The following GPC6 variants were observed in gnomAD, a reference collection of about 807,000 sequenced individuals.
GPC6 encodes glypican-6.
GPC6 carries 14 observed loss-of-function variants against 55.2 expected under a neutral mutation model. The observed-to-expected ratio is 0.25, with a 90% CI of 0.17 to 0.40. The LOEUF (loss-of-function observed/expected upper bound fraction) is 0.40. Among genes scored for constraint, GPC6 ranks in the 10% least tolerant of loss-of-function variants. The pLI, the probability that GPC6 is intolerant of heterozygous loss-of-function variation, is 1.00. For missense variants in GPC6, 641 were observed against 708.5 expected (o/e 0.90, Z 1.08); for synonymous variants, 278 against 259.6 (o/e 1.07, Z -0.68).
At chr13:93,954,347 A>G (rs1421207459) in intron 3 of GPC6, among the ~76,000 whole-genome samples, 1 of 152,056 alleles carries the variant, frequency 6.6e-6, no homozygotes, top group Admixed American at 6.6e-5. Flanking sequence ...ACAAGGTCTC[A>G]TCTGTTATGC....
intron 3 of GPC6, among the ~76,000 whole-genome samples, chr13:93,884,940 T>G (rs1404653882): frequency 6.6e-6 from 1 of 152,096 alleles, no homozygotes; most frequent in Non-Finnish European, 1.5e-5. Context: ...TTATCACTCA[T>G]GCATATATTC....
At chr13:93,438,811 A>T (rs1317771718) in intron 1 of GPC6, among the ~76,000 whole-genome samples, 1 of 152,202 alleles carries the variant, frequency 6.6e-6, no homozygotes, top group Non-Finnish European at 1.5e-5. Flanking sequence ...TACTGTGGGT[A>T]CAATGCTGTC....
At chr13:93,406,684 C>T (rs896195241) in intron 1 of GPC6, among the ~76,000 whole-genome samples, 6 of 152,076 alleles carry the variant, frequency 3.9e-5, no homozygotes, top group African/African-American at 1.4e-4. Context: ...TTGCATCAGT[C>T]CAAGTGATCA....
intron 4 of GPC6, among the ~76,000 whole-genome samples, chr13:94,136,568 G>C (rs1182647464): frequency 6.6e-6 from 1 of 152,080 alleles, no homozygotes; most frequent in Non-Finnish European, 1.5e-5. Context: ...AAATTAGTTG[G>C]GTATGGTGGT....
chr13:93,358,386 C>T (rs560947212), intron 1 of GPC6, among the ~76,000 whole-genome samples: 291 of 152,226 alleles, frequency 1.9e-3, no homozygotes, highest in Non-Finnish European at 2.1e-3. Context: ...TTACAGTGTG[C>T]TGGAGACTGT....
rs142138456 is a variant in GPC6, at chr13:94,334,090, G to C, written c.1152+27967G>C. 4.6e-3 allele frequency among the ~76,000 whole-genome samples: 708 copies of C among 152,312 alleles called. 7 individuals are homozygous for C. Among genetic ancestry groups the C allele is most frequent in the Non-Finnish European group, 7.4e-3 (506 of 68,024 alleles). The stretch of plus-strand genomic sequence containing the variant: ...GATATATTGAAACTTGGAAGGTATA[G>C]GGTATCTTCTGTAGTTCCCTCTATA... On this transcript the variant is annotated intron_variant, in intron 6 of 8. Transcript: ENST00000377047.
intron 4 of GPC6, among the ~76,000 whole-genome samples, chr13:94,243,619 A>G (rs10467338): frequency 0.11 from 17,220 of 152,072 alleles, 1,484 homozygotes; most frequent in African/African-American, 0.24. Context: ...TTTTTCCCCA[A>G]TCATTAAACT....
chr13:93,903,931 C>G (rs941656650), intron 3 of GPC6, among the ~76,000 whole-genome samples: 1 of 150,840 alleles, frequency 6.6e-6, no homozygotes. Flanking sequence ...ATCCCCCCAG[C>G]GAAATCACAA....
At chr13:93,328,679 A>G (rs369641010) in intron 1 of GPC6, among the ~76,000 whole-genome samples, 23 of 109,662 alleles carry the variant, frequency 2.1e-4, no homozygotes, top group African/African-American at 6.3e-4. Context: ...TGTCTCAATT[A>G]AAAAAAAAAA....
intron 1 of GPC6, among the ~76,000 whole-genome samples, chr13:93,370,789 A>G (rs748191061): frequency 9.9e-5 from 15 of 152,180 alleles, no homozygotes; most frequent in Non-Finnish European, 2.1e-4. Flanking sequence ...AATGAAGAAC[A>G]ATCTTGTTTA....
chr13:94,165,101 G>A (rs1284726593), intron 4 of GPC6, among the ~76,000 whole-genome samples: 3 of 151,662 alleles, frequency 2.0e-5, no homozygotes, highest in East Asian at 1.9e-4. Flanking sequence ...GCACATACAT[G>A]TTTATAGCAG....
intron 2 of GPC6, among the ~76,000 whole-genome samples, chr13:93,617,750 A>T (rs1277563873): frequency 6.6e-6 from 1 of 152,168 alleles, no homozygotes; most frequent in African/African-American, 2.4e-5. Flanking sequence ...TTTCAGAGAA[A>T]TTATTTCAGG....
intron 4 of GPC6, among the ~76,000 whole-genome samples, chr13:94,197,172 A>G (rs1889603301): frequency 6.6e-6 from 1 of 152,156 alleles, no homozygotes; most frequent in African/African-American, 2.4e-5. Flanking sequence ...GGCCAGTTCC[A>G]TGGAATACTG....
At chr13:93,369,480 C>T (rs894327495) in intron 1 of GPC6, among the ~76,000 whole-genome samples, 1 of 152,030 alleles carries the variant, frequency 6.6e-6, no homozygotes, top group Admixed American at 6.6e-5. Context: ...TTGTGACTTA[C>T]ATTGTTTTAT....
intron 2 of GPC6, among the ~76,000 whole-genome samples, chr13:93,563,460 C>T (rs1875916271): frequency 6.6e-6 from 1 of 151,552 alleles, no homozygotes; most frequent in Non-Finnish European, 1.5e-5. Flanking sequence ...TACAAATGAC[C>T]CTTGGGGAGG....
At position 94,153,925 on chromosome 13, in the gene GPC6, A is replaced by G. The variant is rs1229133742; in HGVS notation, c.877+126031A>G. Among the ~76,000 whole-genome samples the G allele has an allele frequency of 3.9e-5, 6 of 152,168 alleles. No individual in the cohort carries two copies. The East Asian group carries it at 1.2e-3, about 29-fold the overall frequency. ...CAACACAACTCAGAATTGTGCAAAT[A>G]ATGTAATATACAAGAAAACACTTTT... On this transcript the variant is annotated intron_variant, in intron 4 of 8. Transcript: ENST00000377047.
intron 1 of GPC6, among the ~76,000 whole-genome samples, chr13:93,248,695 C>T (rs1305915479): frequency 6.6e-6 from 1 of 152,202 alleles, no homozygotes; most frequent in African/African-American, 2.4e-5. Context: ...CTGCCTGAAA[C>T]TTCTGGAAGG....
intron 2 of GPC6, among the ~76,000 whole-genome samples, chr13:93,790,116 T>C (rs1350499814): frequency 6.6e-6 from 1 of 152,220 alleles, no homozygotes; most frequent in Non-Finnish European, 1.5e-5. Flanking sequence ...CGTTACCATA[T>C]TGAGTCTATC....
intron 1 of GPC6, among the ~76,000 whole-genome samples, chr13:93,543,435 A>G (rs994347560): frequency 2.6e-5 from 4 of 151,998 alleles, no homozygotes; most frequent in African/African-American, 4.8e-5. Flanking sequence ...CCAGTATTTT[A>G]TTGAGGATTT....
Sources: allele counts gnomAD v4.1 joint callset (sites outside exome capture counted in the v4.1 genomes callset), GRCh38; gene constraint gnomAD v4.1.1; transcripts MANE v1.5; gene names NCBI Gene and HGNC (gene_info 2026-07-23, HGNC 2026-07-21).